SLC22A24: variants seen among roughly 807,000 people sequenced by gnomAD.
SLC22A24 encodes the protein solute carrier family 22 member 24, also known as steroid transmembrane transporter SLC22A24.
In SLC22A24, 53 loss-of-function variants were observed where a neutral mutation model predicts 49.8. The observed-to-expected ratio is 1.06, with a 90% CI of 0.85 to 1.34. The LOEUF (loss-of-function observed/expected upper bound fraction) is 1.34, where lower values mean the gene tolerates loss of function less well. Ranked by LOEUF, SLC22A24 falls within the 40% of genes most tolerant of loss-of-function variation. SLC22A24 has a pLI of 0.00. For synonymous variants in SLC22A24, 302 were observed against 256.4 expected, an observed-to-expected ratio of 1.18 and a Z score of -1.70; for missense variants, 786 against 675.9, an observed-to-expected ratio of 1.16 and a Z score of -1.81.
intron 1 of SLC22A24, among the ~76,000 whole-genome samples, chr11:63,136,347 G>A (rs769750348): frequency 2.0e-5 from 3 of 152,186 alleles, no homozygotes; most frequent in Non-Finnish European, 2.9e-5. Flanking sequence ...AGTATGCTCA[G>A]CACTTCGATG....
At chr11:63,123,201 C>G (rs777184657) in intron 2 of SLC22A24, among the ~76,000 whole-genome samples, 1 of 152,044 alleles carries the variant, frequency 6.6e-6, no homozygotes, top group Non-Finnish European at 1.5e-5. Flanking sequence ...TTGTATACTA[C>G]AGTGCATAAT....
At chr11:63,081,900 A>G (rs1479763061) in intron 7 of SLC22A24, among the ~76,000 whole-genome samples, 1 of 152,212 alleles carries the variant, frequency 6.6e-6, no homozygotes, top group Non-Finnish European at 1.5e-5. Flanking sequence ...CTTTCTGCAC[A>G]TTTGAGTATT....
intron 2 of SLC22A24, among the ~76,000 whole-genome samples, chr11:63,131,143 C>T (rs1482321119): frequency 1.3e-5 from 2 of 151,996 alleles, no homozygotes; most frequent in African/African-American, 4.8e-5. Flanking sequence ...CTTCCTCCCT[C>T]CCTGTATTTT....
Position 63,083,404 on chromosome 11 carries a change from C to T in SLC22A24, c.1124G>A (p.Gly375Glu). Reference sequence around the variant, plus strand: ...AATCTGGAACAGGGAGACATTGCTCCCTAAGTGCTGCAAGTTGAGTATCAG... The same window carrying T: ...AATCTGGAACAGGGAGACATTGCTCTCTAAGTGCTGCAAGTTGAGTATCAG... ...YGLILNLQHL[G>E]SNVSLFQILC... The change falls in exon 7 of 10, where the codon GGG becomes GAG. Residue 375 changes from glycine to glutamate, a missense_variant. Coordinates refer to ENST00000612278, the MANE Select transcript of SLC22A24 (RefSeq NM_001136506.2). 1 of 1,551,400 alleles carries T rather than the reference C, an allele frequency of 6.4e-7. No individual in the cohort carries two copies. The highest frequency in any genetic ancestry group is 8.7e-7 in the Non-Finnish European group (1 of 1,146,854).
At chr11:63,127,796 A>G (rs151039875) in intron 2 of SLC22A24, among the ~76,000 whole-genome samples, 2,335 of 152,180 alleles carry the variant, frequency 0.015, 27 homozygotes, top group Middle Eastern at 0.048. Context: ...AATGTTGTTC[A>G]TATCCTTTGC....
chr11:63,085,971 T>G (rs1054063555), intron 6 of SLC22A24, among the ~76,000 whole-genome samples: 3 of 152,152 alleles, frequency 2.0e-5, no homozygotes, highest in Non-Finnish European at 4.4e-5. Context: ...ATATAGAAAC[T>G]TCTTTACAAG....
chr11:63,130,550 T>C (rs974137934), intron 2 of SLC22A24, among the ~76,000 whole-genome samples: 2 of 152,216 alleles, frequency 1.3e-5, no homozygotes, highest in African/African-American at 4.8e-5. Flanking sequence ...GAAGGAATGG[T>C]ACCTACTCCT....
chr11:63,099,103 A>G (rs767113375), intron 5 of SLC22A24, among the ~76,000 whole-genome samples: 1 of 152,186 alleles, frequency 6.6e-6, no homozygotes, highest in Non-Finnish European at 1.5e-5. Flanking sequence ...AGAAGTAATG[A>G]CATTGAAGCC....
chr11:63,123,213 A>T (rs2087264320), intron 2 of SLC22A24, among the ~76,000 whole-genome samples: 1 of 152,184 alleles, frequency 6.6e-6, no homozygotes, highest in Non-Finnish European at 1.5e-5. Flanking sequence ...GTGCATAATG[A>T]ATATTATGCA....
intron 6 of SLC22A24, among the ~76,000 whole-genome samples, chr11:63,087,794 G>A (rs1210480862): frequency 1.3e-5 from 2 of 152,154 alleles, no homozygotes; most frequent in Admixed American, 6.5e-5. Flanking sequence ...CCCTGACAGT[G>A]CTAAGGAGGA....
intron 4 of SLC22A24, among the ~76,000 whole-genome samples, chr11:63,112,709 A>G (rs2087174966): frequency 6.6e-6 from 1 of 151,944 alleles, no homozygotes; most frequent in African/African-American, 2.4e-5. Context: ...GCATCTTTTA[A>G]CTGGGGCATT....
chr11:63,103,512 T>C (rs1325568578), intron 5 of SLC22A24, among the ~76,000 whole-genome samples: 1 of 152,118 alleles, frequency 6.6e-6, no homozygotes, highest in African/African-American at 2.4e-5. Flanking sequence ...TACACCCTGG[T>C]AGGCAATAAG....
chr11:63,084,575 G>C (rs1165968417), intron 6 of SLC22A24, among the ~76,000 whole-genome samples: 1 of 152,066 alleles, frequency 6.6e-6, no homozygotes, highest in African/African-American at 2.4e-5. Context: ...GGTTACAGTG[G>C]AGGCCTCCAA....
intron 6 of SLC22A24, among the ~76,000 whole-genome samples, chr11:63,093,912 T>C (rs188027303): frequency 1.6e-4 from 24 of 152,088 alleles, no homozygotes; most frequent in Admixed American, 5.9e-4. Context: ...ATTGGAATTA[T>C]GAACTTAAAA....
chr11:63,109,242 A>G (rs1280611890), intron 4 of SLC22A24, among the ~76,000 whole-genome samples: 1 of 146,700 alleles, frequency 6.8e-6, no homozygotes, highest in East Asian at 2.0e-4. Context: ...AATCCAGTCT[A>G]TCAGTGTTGG....
At chr11:63,131,543 A>G (rs895993720) in intron 2 of SLC22A24, among the ~76,000 whole-genome samples, 2 of 152,160 alleles carry the variant, frequency 1.3e-5, no homozygotes, top group African/African-American at 4.8e-5. Context: ...TATGAAGCTT[A>G]GTTTGGCGGG....
intron 2 of SLC22A24, among the ~76,000 whole-genome samples, chr11:63,121,925 CATT>C (rs1463719036): frequency 1.3e-5 from 2 of 151,940 alleles, no homozygotes; most frequent in Non-Finnish European, 2.9e-5. Flanking sequence ...GAAATAAAAA[CATT>C]AATAATAAAC....
chr11:63,105,831 C>T (rs1258334165), intron 4 of SLC22A24, among the ~76,000 whole-genome samples: 2 of 152,118 alleles, frequency 1.3e-5, no homozygotes, highest in Non-Finnish European at 2.9e-5. Flanking sequence ...TTGAATTTCT[C>T]CTTAGAAAAT....
intron 4 of SLC22A24, among the ~76,000 whole-genome samples, chr11:63,107,632 T>C (rs933974500): frequency 6.6e-6 from 1 of 152,200 alleles, no homozygotes; most frequent in East Asian, 1.9e-4. Flanking sequence ...GCAGTTCTCC[T>C]TGAAAAGTAC....
Sources: gnomAD v4.1 joint callset for allele counts (sites outside exome capture counted in the v4.1 genomes callset) on GRCh38, gnomAD v4.1.1 for gene constraint, MANE v1.5 for transcripts, NCBI Gene and HGNC (gene_info 2026-07-23, HGNC 2026-07-21) for gene names.